The following LRRTM3 variants were observed in gnomAD, a reference collection of about 807,000 sequenced individuals.
The protein encoded by LRRTM3 is leucine-rich repeat transmembrane neuronal protein 3.
In LRRTM3, 24 loss-of-function variants were observed where a neutral mutation model predicts 44.7. The observed-to-expected ratio is 0.54, with a 90% CI of 0.39 to 0.76. The LOEUF (loss-of-function observed/expected upper bound fraction) is 0.76. Among genes scored for constraint, LRRTM3 ranks in the 30% least tolerant of loss-of-function variants. The pLI, the probability that LRRTM3 is intolerant of heterozygous loss-of-function variation, is 0.00. For synonymous variants in LRRTM3, 277 were observed against 278.7 expected, an observed-to-expected ratio of 0.99 and a Z score of 0.06; for missense variants, 587 against 702.2, an observed-to-expected ratio of 0.84 and a Z score of 1.85.
chr10:67,040,469 G>T (rs1220990442), intron 2 of LRRTM3, among the ~76,000 whole-genome samples: 2 of 152,094 alleles, frequency 1.3e-5, no homozygotes, highest in Non-Finnish European at 2.9e-5. Flanking sequence ...GGATTTGAGA[G>T]TGCCATGAAA....
At chr10:67,060,966 G>C (rs1855726800) in intron 2 of LRRTM3, among the ~76,000 whole-genome samples, 1 of 152,068 alleles carries the variant, frequency 6.6e-6, no homozygotes, top group Non-Finnish European at 1.5e-5. Context: ...TGAAGAAAAA[G>C]GCATCCAGAA....
intron 2 of LRRTM3, among the ~76,000 whole-genome samples, chr10:67,061,580 A>G (rs191460785): frequency 5.1e-4 from 78 of 152,308 alleles, no homozygotes; most frequent in African/African-American, 1.8e-3. Flanking sequence ...AAGGGCCAAT[A>G]GGAAGGCTAC....
intron 2 of LRRTM3, among the ~76,000 whole-genome samples, chr10:66,996,558 G>T (rs1851354300): frequency 7.1e-6 from 1 of 141,352 alleles, no homozygotes. Flanking sequence ...TGAGGCAGGA[G>T]AATTGCTTGA....
At chr10:66,974,950 G>T (rs1241757456) in intron 2 of LRRTM3, among the ~76,000 whole-genome samples, 1 of 151,862 alleles carries the variant, frequency 6.6e-6, no homozygotes, top group East Asian at 1.9e-4. Context: ...CACAAGCTCT[G>T]AGTCAAGAAT....
intron 2 of LRRTM3, among the ~76,000 whole-genome samples, chr10:67,075,106 G>A (rs1856678729): frequency 6.6e-6 from 1 of 151,376 alleles, no homozygotes; most frequent in Non-Finnish European, 1.5e-5. Context: ...TACATTTGTA[G>A]TTACTAAGGC....
intron 2 of LRRTM3, among the ~76,000 whole-genome samples, chr10:67,063,777 T>C (rs1389206870): frequency 1.3e-5 from 2 of 152,228 alleles, no homozygotes; most frequent in African/African-American, 4.8e-5. Flanking sequence ...GAAATTTCTA[T>C]TGAGAGGTGG....
rs1858255128 is a variant in LRRTM3 at position 67,100,114 on chromosome 10, T to G, written c.*2318T>G. 6.6e-6 allele frequency among the ~76,000 whole-genome samples: 1 copy of G among 151,772 alleles called. No homozygotes were observed. Among genetic ancestry groups the G allele is most frequent in the Non-Finnish European group, 1.5e-5 (1 of 67,800 alleles). On this transcript the variant is annotated 3_prime_UTR_variant, in exon 3 of 3. Transcript: ENST00000361320. ...CTAATAAACCTATTTCTAGACACAT[T>G]CAAATTGATAATGATTTTTAGAAAT... is the stretch of plus-strand genomic sequence containing the variant.
intron 2 of LRRTM3, among the ~76,000 whole-genome samples, chr10:67,093,953 G>A (rs74703066): frequency 0.017 from 2,649 of 151,952 alleles, 83 homozygotes; most frequent in East Asian, 0.12. Flanking sequence ...AGGCAATACC[G>A]TGATGTCAGG....
intron 2 of LRRTM3, among the ~76,000 whole-genome samples, chr10:67,047,187 A>C (rs565846978): frequency 1.7e-4 from 26 of 152,300 alleles, no homozygotes; most frequent in African/African-American, 5.8e-4. Context: ...CTTCCTGCTG[A>C]AATTGTTTTA....
chr10:67,099,206 A>C lies in LRRTM3; in HGVS notation c.*1410A>C, dbSNP rs1318535916. ...TTGTATTATAAAGTTCATTCAAATC[A>C]AATTAAGAAAACCTGAGTCTTTAGA... On this transcript the variant is annotated 3_prime_UTR_variant, in exon 3 of 3. Transcript: ENST00000361320. 1 of 151,834 alleles carries C rather than the reference A, an allele frequency of 6.6e-6. No homozygotes were observed. Among genetic ancestry groups the C allele is most frequent in the African/African-American group, 2.4e-5 (1 of 41,406 alleles). 9.4% of individuals were successfully genotyped at this position (151,834 alleles called of 1,614,324 possible).
chr10:66,940,799 T>C (rs1036775697), intron 2 of LRRTM3, among the ~76,000 whole-genome samples: 5 of 152,178 alleles, frequency 3.3e-5, no homozygotes, highest in African/African-American at 4.8e-5. Flanking sequence ...AAAAAAAACT[T>C]ATCTGATCTT....
At chr10:66,995,975 T>C (rs1403555600) in intron 2 of LRRTM3, among the ~76,000 whole-genome samples, 1 of 152,228 alleles carries the variant, frequency 6.6e-6, no homozygotes, top group Non-Finnish European at 1.5e-5. Context: ...CATAAATTAT[T>C]TTCACATTAC....
intron 2 of LRRTM3, among the ~76,000 whole-genome samples, chr10:67,061,407 C>A (rs1855749143): frequency 6.6e-6 from 1 of 152,132 alleles, no homozygotes; most frequent in African/African-American, 2.4e-5. Flanking sequence ...GATGTGGTAT[C>A]AGAGTTCCTT....
chr10:66,942,369 A>G (rs1191717280), intron 2 of LRRTM3, among the ~76,000 whole-genome samples: 1 of 152,194 alleles, frequency 6.6e-6, no homozygotes, highest in African/African-American at 2.4e-5. Flanking sequence ...AATATCCTTT[A>G]ATGGACTTGC....
chr10:67,017,051 G>A (rs1269354437), intron 2 of LRRTM3, among the ~76,000 whole-genome samples: 1 of 152,130 alleles, frequency 6.6e-6, no homozygotes, highest in Non-Finnish European at 1.5e-5. Context: ...AAAAATTAAT[G>A]AGCCAAGATC....
intron 2 of LRRTM3, among the ~76,000 whole-genome samples, chr10:67,056,517 A>T (rs943233700): frequency 6.6e-5 from 10 of 152,182 alleles, no homozygotes; most frequent in African/African-American, 2.4e-4. Flanking sequence ...CCTGATCTGT[A>T]TCTGTAAACA....
At chr10:66,976,660 T>G (rs1404225527) in intron 2 of LRRTM3, among the ~76,000 whole-genome samples, 1 of 152,230 alleles carries the variant, frequency 6.6e-6, no homozygotes, top group Admixed American at 6.5e-5. Context: ...TTTTCCAATC[T>G]TATTTTCATG....
At chr10:66,952,814 G>T (rs1449076152) in intron 2 of LRRTM3, among the ~76,000 whole-genome samples, 2 of 151,724 alleles carry the variant, frequency 1.3e-5, no homozygotes, top group Non-Finnish European at 2.9e-5. Flanking sequence ...AGCCCTGCTT[G>T]TAATTTATTA....
At chr10:66,986,498 C>CAA (rs1850736879) in intron 2 of LRRTM3, among the ~76,000 whole-genome samples, 2 of 54,416 alleles carry the variant, frequency 3.7e-5, no homozygotes, top group Admixed American at 3.2e-4. Flanking sequence ...CTCCATCTTG[C>CAA]TAAACTAAAC....
Sources: gnomAD v4.1 joint callset for allele counts (sites outside exome capture counted in the v4.1 genomes callset) on GRCh38, gnomAD v4.1.1 for gene constraint, MANE v1.5 for transcripts, NCBI Gene and HGNC (gene_info 2026-07-23, HGNC 2026-07-21) for gene names.